The following NRG3 variants were observed in gnomAD, a reference collection of about 807,000 sequenced individuals.
NRG3 encodes the protein pro-neuregulin-3, membrane-bound isoform.
NRG3 carries 31 observed loss-of-function variants against 66.9 expected under a neutral mutation model. The ratio of observed to expected loss-of-function variants is 0.46; its 90% confidence interval spans 0.35 to 0.63. The LOEUF (loss-of-function observed/expected upper bound fraction) is 0.63. Among genes scored for constraint, NRG3 ranks in the 20% least tolerant of loss-of-function variants. The pLI, the probability that NRG3 is intolerant of heterozygous loss-of-function variation, is 0.00. For missense variants in NRG3, 910 were observed against 878.9 expected (o/e 1.04, Z -0.45); for synonymous variants, 393 against 359.4 (o/e 1.09, Z -1.06).
chr10:82,115,094 G>A (rs1329756688), intron 1 of NRG3, among the ~76,000 whole-genome samples: 1 of 152,056 alleles, frequency 6.6e-6, no homozygotes, highest in African/African-American at 2.4e-5. Flanking sequence ...CACATCACTT[G>A]CTGCCTACAT....
intron 1 of NRG3, among the ~76,000 whole-genome samples, chr10:82,338,308 G>A (rs2082498138): frequency 6.6e-6 from 1 of 152,084 alleles, no homozygotes; most frequent in African/African-American, 2.4e-5. Flanking sequence ...GAACCGCCCT[G>A]TGGAGGGCTT....
intron 2 of NRG3, among the ~76,000 whole-genome samples, chr10:82,478,231 C>CTTTTTTTTTTTTTTTTT (rs1210990084): frequency 5.5e-5 from 1 of 18,150 alleles, no homozygotes; most frequent in Non-Finnish European, 1.3e-4. Flanking sequence ...TTGTGTCACT[C>CTTTTTTTTTTTTTTTTT]TTTTTTTTTT....
At chr10:82,429,329 G>A (rs1159937930) in intron 2 of NRG3, among the ~76,000 whole-genome samples, 1 of 151,978 alleles carries the variant, frequency 6.6e-6, no homozygotes, top group Non-Finnish European at 1.5e-5. Flanking sequence ...TTGACTTCCT[G>A]TCCAGTATTC....
rs568337276 is a variant in NRG3 at position 82,094,361 on chromosome 10, C to T, written c.823+218198C>T. ...AATATAACAGATGCCGATGAGCATG[C>T]GCAAAATAGGAACACTTGTGCACTG... On this transcript the variant is annotated intron_variant, in intron 1 of 8. Coordinates refer to ENST00000372141, the MANE Select transcript of NRG3 (RefSeq NM_001010848.4). Among the ~76,000 whole-genome samples the T allele has an allele frequency of 1.1e-4, 17 of 152,192 alleles. 1 individual carries two copies. The South Asian group carries it at 2.7e-3, about 24-fold the overall frequency.
At chr10:81,892,612 T>A (rs953703854) in intron 1 of NRG3, among the ~76,000 whole-genome samples, 5 of 152,076 alleles carry the variant, frequency 3.3e-5, no homozygotes, top group African/African-American at 9.7e-5. Context: ...ATCTTTCACA[T>A]TAGAACATAG....
chr10:82,107,179 C>T (rs1004522404), intron 1 of NRG3, among the ~76,000 whole-genome samples: 1 of 152,200 alleles, frequency 6.6e-6, no homozygotes, highest in Non-Finnish European at 1.5e-5. Flanking sequence ...CATCCCAAAT[C>T]TGAAAATCCC....
At chr10:81,982,178 T>C (rs2060353284) in intron 1 of NRG3, among the ~76,000 whole-genome samples, 1 of 152,224 alleles carries the variant, frequency 6.6e-6, no homozygotes, top group Admixed American at 6.5e-5. Context: ...TTATTTCAGC[T>C]GAATACCCAG....
At chr10:82,362,548 GTTTTTTTTTT>G (rs10694679) in intron 2 of NRG3, among the ~76,000 whole-genome samples, 1 of 83,186 alleles carries the variant, frequency 1.2e-5, no homozygotes, top group South Asian at 4.7e-4. Flanking sequence ...TAATTTCTGG[GTTTTTTTTTT>G]TTTTTTTTTT....
rs534541320 is a variant in NRG3 at position 82,830,758 on chromosome 10, C to G, written c.1028-34653C>G. ...TTGTGTTGCTGCAACTCCTACCTTG[C>G]TAAAAAGAGATAAAGGAACCCATCT... On this transcript the variant is annotated intron_variant, in intron 3 of 8. Coordinates refer to ENST00000372141, the MANE Select transcript of NRG3 (RefSeq NM_001010848.4). 8.5e-5 allele frequency among the ~76,000 whole-genome samples: 13 copies of G among 152,144 alleles called. No individual in the cohort carries two copies. In the South Asian group the frequency reaches 2.7e-3, roughly 32 times the overall value.
At chr10:82,186,182 A>T (rs1017492444) in intron 1 of NRG3, among the ~76,000 whole-genome samples, 8 of 152,216 alleles carry the variant, frequency 5.3e-5, no homozygotes, top group African/African-American at 1.9e-4. Context: ...TATAACTCAC[A>T]GAGAATTATT....
chr10:82,709,737 T>C (rs1237769469), intron 2 of NRG3, among the ~76,000 whole-genome samples: 1 of 152,174 alleles, frequency 6.6e-6, no homozygotes, highest in Non-Finnish European at 1.5e-5. Flanking sequence ...AAAGCCTTAC[T>C]TTATTTCCCT....
intron 3 of NRG3, among the ~76,000 whole-genome samples, chr10:82,835,420 A>T (rs1207691286): frequency 6.6e-6 from 1 of 152,186 alleles, no homozygotes; most frequent in Non-Finnish European, 1.5e-5. Flanking sequence ...GATTTACATT[A>T]GTATAGAATA....
chr10:81,998,354 C>T (rs183524295), intron 1 of NRG3, among the ~76,000 whole-genome samples: 1 of 152,296 alleles, frequency 6.6e-6, no homozygotes, highest in East Asian at 1.9e-4. Context: ...GACATTCCCT[C>T]CTGTGGCTAG....
chr10:82,481,860 GC>G (rs779984690), intron 2 of NRG3, among the ~76,000 whole-genome samples: 2 of 152,128 alleles, frequency 1.3e-5, no homozygotes, highest in African/African-American at 4.8e-5. Context: ...GGTGGTGGGT[GC>G]CTGTAATCTT....
At chr10:82,688,135 A>G (rs890532405) in intron 2 of NRG3, among the ~76,000 whole-genome samples, 4 of 152,180 alleles carry the variant, frequency 2.6e-5, no homozygotes, top group Admixed American at 6.5e-5. Context: ...ATACAGGTAA[A>G]ATATAAGTCA....
chr10:82,075,681 C>T (rs904851882), intron 1 of NRG3, among the ~76,000 whole-genome samples: 9 of 151,930 alleles, frequency 5.9e-5, no homozygotes, highest in East Asian at 1.9e-4. Flanking sequence ...TTTCCTTATA[C>T]GTTCTGTAAT....
At chr10:82,648,819 G>A (rs925507386) in intron 2 of NRG3, among the ~76,000 whole-genome samples, 2 of 152,132 alleles carry the variant, frequency 1.3e-5, no homozygotes, top group African/African-American at 4.8e-5. Flanking sequence ...TCTGTTACTG[G>A]TGTATGAGAA....
intron 1 of NRG3, among the ~76,000 whole-genome samples, chr10:82,226,395 G>T (rs778183208): frequency 1.3e-5 from 2 of 152,156 alleles, no homozygotes; most frequent in African/African-American, 4.8e-5. Flanking sequence ...TTTTAGAAGT[G>T]CAGAAAGGCA....
chr10:82,075,639 C>T (rs1340782953), intron 1 of NRG3, among the ~76,000 whole-genome samples: 1 of 151,962 alleles, frequency 6.6e-6, no homozygotes, highest in Non-Finnish European at 1.5e-5. Flanking sequence ...TTAAAAACTA[C>T]CTTATAGCTA....
Sources: allele counts gnomAD v4.1 joint callset (sites outside exome capture counted in the v4.1 genomes callset), GRCh38; gene constraint gnomAD v4.1.1; transcripts MANE v1.5; gene names NCBI Gene and HGNC (gene_info 2026-07-23, HGNC 2026-07-21).